FIBCD1: variants seen among roughly 807,000 people sequenced by gnomAD.
The protein encoded by FIBCD1 is fibrinogen C domain-containing protein 1.
FIBCD1 carries 47 observed loss-of-function variants against 45.1 expected under a neutral mutation model. The ratio of observed to expected loss-of-function variants is 1.04; its 90% CI spans 0.82 to 1.33. The LOEUF (loss-of-function observed/expected upper bound fraction) is 1.33, where lower values mean the gene tolerates loss of function less well. FIBCD1 is among the 40% of genes most tolerant of loss of function. The pLI is 0.00. For missense variants in FIBCD1, 653 were observed against 682.2 expected (o/e 0.96, Z 0.48); for synonymous variants, 313 against 308.1 (o/e 1.02, Z -0.17).
At chr9:130,921,170 C>T (rs900482835) in intron 4 of FIBCD1, among the ~76,000 whole-genome samples, 2 of 152,262 alleles carry the variant, frequency 1.3e-5, no homozygotes, top group Admixed American at 6.5e-5. Context: ...TCTGGTGAGA[C>T]TGTCCAGCCC....
chr9:130,905,537 G>C (rs1342355133), intron 5 of FIBCD1, 124 bp from the exon 6 acceptor site: 1 of 998,696 alleles, frequency 1.0e-6, no homozygotes, highest in African/African-American at 1.6e-5. Context: ...CACCAAGTGC[G>C]TGCAATCAGC....
intron 4 of FIBCD1, among the ~76,000 whole-genome samples, chr9:130,923,117 G>A (rs1832289994): frequency 6.6e-6 from 1 of 152,220 alleles, no homozygotes; most frequent in Non-Finnish European, 1.5e-5. Flanking sequence ...AAGCTGAGAA[G>A]CCTTAAAGAG....
intron 4 of FIBCD1, among the ~76,000 whole-genome samples, chr9:130,913,679 G>A (rs914141519): frequency 6.6e-6 from 1 of 152,188 alleles, no homozygotes; most frequent in Non-Finnish European, 1.5e-5. Context: ...GCGGTGGAGA[G>A]CCGTATTGAT....
chr9:130,933,728 G>A (rs1357968213), intron 1 of FIBCD1: 5 of 93,880 alleles, frequency 5.3e-5, no homozygotes, highest in African/African-American at 9.4e-5. Context: ...GCGGGCGGGT[G>A]GGGGGGGGGC....
chr9:130,938,350 G>A (rs1832552774), intron 1 of FIBCD1, 186 bp downstream of exon 1: 3 of 476,154 alleles, frequency 6.3e-6, no homozygotes, highest in Non-Finnish European at 1.1e-5. Context: ...CGCCCCCACC[G>A]AACCTCGAGT....
chr9:130,925,732 C>G (rs1832347146), intron 2 of FIBCD1, among the ~76,000 whole-genome samples: 1 of 152,204 alleles, frequency 6.6e-6, no homozygotes, highest in Non-Finnish European at 1.5e-5. Flanking sequence ...TGCCCCCACC[C>G]TGGGCTTCAG....
At chr9:130,940,330 C>T (rs948935330), upstream of FIBCD1, among the ~76,000 whole-genome samples, 1 of 152,270 alleles carries the variant, frequency 6.6e-6, no homozygotes, top group African/African-American at 2.4e-5. Flanking sequence ...GCCGCCTTTT[C>T]CTTCCAGGAC....
chr9:130,924,734 G>A (rs1347839520), intron 2 of FIBCD1, among the ~76,000 whole-genome samples: 1 of 152,224 alleles, frequency 6.6e-6, no homozygotes, highest in African/African-American at 2.4e-5. Flanking sequence ...ACTGGAGGAG[G>A]CCGTGCCAGG....
intron 2 of FIBCD1, among the ~76,000 whole-genome samples, chr9:130,924,698 C>T (rs1278981701): frequency 1.3e-5 from 2 of 152,188 alleles, no homozygotes; most frequent in Non-Finnish European, 2.9e-5. Context: ...GTTCTTCGGC[C>T]ATCTCTTCGG....
chr9:130,905,271 C>T lies in FIBCD1; in HGVS notation c.1089G>A (p.Gly363=). ...AATAGTCAGCCACGGTGAGCGGGTA[C>T]CCGTCTTCCTCAGGGTCCACGGAGA... ...GLFSVDPEED[G]YPLTVADYSG... The change falls in exon 6 of 7, where the codon GGG becomes GGA. Residue 363 remains glycine, a synonymous_variant. Coordinates refer to ENST00000372338, the MANE Select transcript of FIBCD1 (RefSeq NM_032843.5). 1.2e-6 allele frequency: 2 copies of T among 1,613,916 alleles called. No homozygotes were observed. The highest frequency in any genetic ancestry group is 8.5e-7 in the Non-Finnish European group (1 of 1,180,010).
intron 4 of FIBCD1, among the ~76,000 whole-genome samples, chr9:130,916,863 T>C (rs541918320): frequency 2.6e-4 from 40 of 152,354 alleles, no homozygotes; most frequent in African/African-American, 9.4e-4. Context: ...TTTGGGAGGC[T>C]GAGGCAGGCA....
intron 1 of FIBCD1, among the ~76,000 whole-genome samples, chr9:130,934,259 C>T (rs1402468650): frequency 6.6e-6 from 1 of 152,154 alleles, no homozygotes; most frequent in Non-Finnish European, 1.5e-5. Context: ...CTGGCCCTGG[C>T]AGAGGGAGGG....
chr9:130,912,693 C>T (rs1190162128), intron 4 of FIBCD1, among the ~76,000 whole-genome samples: 1 of 141,372 alleles, frequency 7.1e-6, no homozygotes, highest in Admixed American at 7.0e-5. Flanking sequence ...GGTGATAGAG[C>T]AAAACTGTCT....
intron 4 of FIBCD1, among the ~76,000 whole-genome samples, chr9:130,921,705 C>T (rs1298734347): frequency 6.6e-6 from 1 of 152,268 alleles, no homozygotes; most frequent in Non-Finnish European, 1.5e-5. Context: ...TGACCCTGAA[C>T]TCTGATTTCT....
chr9:130,938,195 T>G (rs1832549749), intron 1 of FIBCD1: 1 of 239,884 alleles, frequency 4.2e-6, no homozygotes, highest in African/African-American at 2.3e-5. Flanking sequence ...AAACGGAGAC[T>G]CAGCAACGGG....
In FIBCD1 at chr9:130,926,785, G is replaced by T. The variant is rs1195016703; in HGVS notation, c.553-2389C>A. Among the ~76,000 whole-genome samples the T allele has an allele frequency of 2.6e-5, 4 of 152,136 alleles. No homozygotes were observed. Among genetic ancestry groups the T allele is most frequent in the Admixed American group, 1.3e-4 (2 of 15,272 alleles). On this transcript the variant is annotated intron_variant, in intron 2 of 6. Transcript: ENST00000372338. The surrounding 1 kb of genome is among the most constrained non-coding windows in gnomAD (Gnocchi z 4.1). ...TGCAGTGAGCCGAGATTGAACCACTGCACTCCAGCTGGGTGACAGAGCGAG... is the reference window on the plus strand; with the variant it reads ...TGCAGTGAGCCGAGATTGAACCACTTCACTCCAGCTGGGTGACAGAGCGAG...
intron 1 of FIBCD1, 101 bp downstream of exon 1, chr9:130,938,435 G>A (rs1832555026): frequency 2.0e-6 from 2 of 1,010,928 alleles, no homozygotes; most frequent in South Asian, 4.1e-5. Context: ...GAAGGGGTGC[G>A]CCCCAAACTC....
At chr9:130,940,551 G>A (rs1260661855), upstream of FIBCD1, among the ~76,000 whole-genome samples, 1 of 152,262 alleles carries the variant, frequency 6.6e-6, no homozygotes, top group Non-Finnish European at 1.5e-5. Context: ...AGGATGTGGT[G>A]GAGGGCACAG....
chr9:130,933,371 G>T (rs753236944), intron 1 of FIBCD1, among the ~76,000 whole-genome samples: 1 of 152,066 alleles, frequency 6.6e-6, no homozygotes, highest in Non-Finnish European at 1.5e-5. Context: ...CCTGGGGGCT[G>T]CGGAATGGGG....
Sources: gnomAD v4.1 joint callset for allele counts (sites outside exome capture counted in the v4.1 genomes callset) on GRCh38, gnomAD v4.1.1 for gene constraint, Gnocchi (gnomAD v3.1) non-coding constraint, MANE v1.5 for transcripts, NCBI Gene and HGNC (gene_info 2026-07-23, HGNC 2026-07-21) for gene names.